UGGT2: variants seen among roughly 807,000 people sequenced by gnomAD.
UGGT2 encodes UDP-glucose glycoprotein glucosyltransferase 2.
In UGGT2, 180 loss-of-function variants were observed where a neutral mutation model predicts 192.1. The observed-to-expected ratio is 0.94, with a 90% CI of 0.83 to 1.06. The LOEUF (loss-of-function observed/expected upper bound fraction) is 1.06, where lower values mean the gene tolerates loss of function less well. Among genes scored for constraint, UGGT2 ranks in the 50% least tolerant of loss-of-function variants. The pLI, the probability that UGGT2 is intolerant of heterozygous loss-of-function variation, is 0.00. For synonymous variants in UGGT2, 580 were observed against 591.0 expected, an observed-to-expected ratio of 0.98 and a Z score of 0.27; for missense variants, 1,849 against 1,795.7, an observed-to-expected ratio of 1.03 and a Z score of -0.54.
At chr13:96,043,771 A>G (rs1028013483) in intron 1 of UGGT2, among the ~76,000 whole-genome samples, 1 of 152,202 alleles carries the variant, frequency 6.6e-6, no homozygotes, top group Non-Finnish European at 1.5e-5. Context: ...AAAGACAAAG[A>G]GGGACATTAT....
chr13:95,864,098 T>G (rs1178772746), intron 30 of UGGT2, among the ~76,000 whole-genome samples: 1 of 152,138 alleles, frequency 6.6e-6, no homozygotes, highest in African/African-American at 2.4e-5. Context: ...GTCTGGAAAT[T>G]TTGGTAGTAA....
At chr13:96,018,777 T>C (rs1292469888) in intron 4 of UGGT2, among the ~76,000 whole-genome samples, 2 of 150,708 alleles carry the variant, frequency 1.3e-5, no homozygotes, top group Non-Finnish European at 1.5e-5. Context: ...ACCAAGTGTT[T>C]AGCTCAACCA....
Position 95,865,212 on chromosome 13 carries a change from G to A in UGGT2, c.3559-1498C>T, listed in dbSNP as rs554376080. On this transcript the variant is annotated intron_variant, in intron 30 of 38. Coordinates refer to ENST00000376747, the MANE Select transcript of UGGT2 (RefSeq NM_020121.4). ...CTCCTCCATCTTCTCTGTTGTTTCT[G>A]GAATTCCTCTTAATAGGCTATTGGA... Among the ~76,000 whole-genome samples the A allele has an allele frequency of 2.0e-5, 3 of 152,192 alleles. 1 individual carries two copies. Among genetic ancestry groups the A allele is most frequent in the African/African-American group, 7.2e-5 (3 of 41,504 alleles).
At chr13:95,889,002 T>G (rs539302131) in intron 25 of UGGT2, among the ~76,000 whole-genome samples, 1 of 152,052 alleles carries the variant, frequency 6.6e-6, no homozygotes, top group Non-Finnish European at 1.5e-5. Flanking sequence ...TTTATTTTTT[T>G]AGAGACAGGG....
intron 11 of UGGT2, among the ~76,000 whole-genome samples, chr13:95,971,257 T>C (rs2050764065): frequency 6.6e-6 from 1 of 152,234 alleles, no homozygotes; most frequent in Admixed American, 6.5e-5. Context: ...AACCTCTCTA[T>C]ATATAATGTC....
At chr13:96,041,349 C>G (rs2053159102) in intron 1 of UGGT2, among the ~76,000 whole-genome samples, 1 of 152,116 alleles carries the variant, frequency 6.6e-6, no homozygotes, top group African/African-American at 2.4e-5. Context: ...CCTGTGGGCT[C>G]TCTGGGTCCC....
chr13:96,033,890 T>C (rs2052916113), intron 1 of UGGT2, among the ~76,000 whole-genome samples: 1 of 152,140 alleles, frequency 6.6e-6, no homozygotes, highest in South Asian at 2.1e-4. Flanking sequence ...ACATGGTAGA[T>C]GGCAGGTTAA....
chr13:95,898,184 C>T (rs1211877662), intron 22 of UGGT2, among the ~76,000 whole-genome samples: 1 of 152,110 alleles, frequency 6.6e-6, no homozygotes, highest in Non-Finnish European at 1.5e-5. Flanking sequence ...GGCTCCCTGA[C>T]CCCCTATTGT....
intron 18 of UGGT2, 24 bp downstream of exon 18, chr13:95,927,189 T>A (rs765442775): frequency 2.1e-5 from 34 of 1,609,152 alleles, no homozygotes; most frequent in Non-Finnish European, 2.8e-5. Context: ...TAAACATTTG[T>A]AGAACAGTAT....
intron 30 of UGGT2, 69 bp from the exon 31 acceptor site, chr13:95,863,783 A>G: frequency 8.0e-7 from 1 of 1,255,392 alleles, no homozygotes; most frequent in Non-Finnish European, 1.2e-6. Context: ...TTAGAAAGTG[A>G]AACATATTGG....
At chr13:96,034,602 C>G (rs1465547103) in intron 1 of UGGT2, among the ~76,000 whole-genome samples, 1 of 152,246 alleles carries the variant, frequency 6.6e-6, no homozygotes, top group Non-Finnish European at 1.5e-5. Context: ...GACCTACAGG[C>G]TCCCTGAGCC....
intron 12 of UGGT2, among the ~76,000 whole-genome samples, chr13:95,960,469 A>G (rs1391085399): frequency 6.6e-6 from 1 of 152,186 alleles, no homozygotes; most frequent in Non-Finnish European, 1.5e-5. Flanking sequence ...GAATCTCAGA[A>G]TTTTAAGACA....
chr13:95,996,237 C>G, intron 6 of UGGT2, 102 bp from the exon 7 acceptor site: 1 of 1,014,472 alleles, frequency 9.9e-7, no homozygotes, highest in East Asian at 2.4e-5. Flanking sequence ...TGCGGCAGCT[C>G]ATGCCTGTAA....
chr13:95,883,475 T>C (rs564249600), intron 27 of UGGT2, among the ~76,000 whole-genome samples: 1 of 152,268 alleles, frequency 6.6e-6, no homozygotes, highest in East Asian at 1.9e-4. Context: ...AAATCTCATG[T>C]CTAATTGTAA....
In UGGT2 at chr13:95,834,145, T is replaced by C. The variant is rs1358101653; in HGVS notation, c.4402-1092A>G. On this transcript the variant is annotated intron_variant, in intron 37 of 38. Transcript: ENST00000376747. ...AGTGAAGATAATGGGACTAATTCTT[T>C]TTTTAATTCTGTCATACTATTAAAA... is the stretch of plus-strand genomic sequence containing the variant. 2.6e-5 allele frequency among the ~76,000 whole-genome samples: 4 copies of C among 152,216 alleles called. No individual in the cohort carries two copies. The East Asian group carries it at 5.8e-4, about 22-fold the overall frequency.
In UGGT2 at chr13:95,942,873, G is replaced by A. The variant is rs568155755; in HGVS notation, c.1678-2782C>T. Among the ~76,000 whole-genome samples the A allele has an allele frequency of 5.3e-5, 8 of 152,116 alleles. No homozygotes were observed. The South Asian group carries it at 1.7e-3, about 32-fold the overall frequency. On this transcript the variant is annotated intron_variant, in intron 15 of 38. Coordinates refer to ENST00000376747, the MANE Select transcript of UGGT2 (RefSeq NM_020121.4). The stretch of plus-strand genomic sequence containing the variant: ...TTTATCTAGGAAACCCTTACCTTGA[G>A]GTCCTAACTTCTAAATGTTTTAAAG...
At chr13:95,942,236 G>A (rs1051900980) in intron 15 of UGGT2, among the ~76,000 whole-genome samples, 9 of 131,826 alleles carry the variant, frequency 6.8e-5, no homozygotes, top group African/African-American at 1.4e-4. Context: ...GTGTGTGTGT[G>A]TGTGTGTGTG....
At chr13:95,918,042 T>C (rs1341632100) in intron 20 of UGGT2, among the ~76,000 whole-genome samples, 1 of 152,208 alleles carries the variant, frequency 6.6e-6, no homozygotes, top group Non-Finnish European at 1.5e-5. Context: ...GTGGACTTGA[T>C]AGATATTTAC....
intron 8 of UGGT2, 143 bp downstream of exon 8, chr13:95,989,830 C>T (rs2051402823): frequency 6.2e-6 from 3 of 484,230 alleles, no homozygotes; most frequent in East Asian, 3.4e-5. Context: ...ATAGGTATTG[C>T]CACAAAAAAT....
Sources: gnomAD v4.1 joint callset for allele counts (sites outside exome capture counted in the v4.1 genomes callset) on GRCh38, gnomAD v4.1.1 for gene constraint, MANE v1.5 for transcripts, NCBI Gene and HGNC (gene_info 2026-07-23, HGNC 2026-07-21) for gene names.